Variants in LZTR1 observed in about 807,000 individuals in gnomAD.
LZTR1 encodes leucine zipper like post translational regulator 1.
LZTR1 carries 260 observed loss-of-function variants against 105.7 expected under a neutral mutation model. The ratio of observed to expected loss-of-function variants is 2.46; its 90% confidence interval spans 2.22 to 2.72. LZTR1 has a LOEUF of 2.72. Ranked by LOEUF, LZTR1 falls within the 30% of genes most tolerant of loss-of-function variation. The pLI is 0.00. For missense variants in LZTR1, 1,214 were observed against 1,166.9 expected, an observed-to-expected ratio of 1.04 and a Z score of -0.59; for synonymous variants, 490 against 476.4, an observed-to-expected ratio of 1.03 and a Z score of -0.37.
intron 16 of LZTR1, 100 bp downstream of exon 16, chr22:20,995,126 G>A (rs777307233): frequency 2.3e-4 from 308 of 1,354,484 alleles, no homozygotes; most frequent in Non-Finnish European, 3.0e-4. Flanking sequence ...GGCCCTCGGG[G>A]TGGGGGTGGG....
At chr22:20,993,363 G>A (rs1463328844) in intron 11 of LZTR1, 3 of 529,258 alleles carry the variant, frequency 5.7e-6, no homozygotes, top group Non-Finnish European at 1.0e-5. Context: ...CGCAGGTCCA[G>A]GCAGAGTGGA....
At chr22:20,984,611 G>GC (rs1298796265) in intron 2 of LZTR1, among the ~76,000 whole-genome samples, 3 of 86,276 alleles carry the variant, frequency 3.5e-5, no homozygotes, top group South Asian at 4.3e-4. Context: ...GGGCAAGTAA[G>GC]GAGGGGGGGG....
In LZTR1 at chr22:20,998,607, A is replaced by G. The variant is rs1050095807; in HGVS notation, c.*1259A>G. The G allele has an allele frequency of 1.3e-5, 2 of 152,610 alleles. No individual in the cohort carries two copies. The highest frequency in any genetic ancestry group is 4.8e-5 in the African/African-American group (2 of 41,476). The allele number at this position is 152,610 out of a possible 1,614,324, so 9.5% of individuals were successfully genotyped here. A position where few individuals can be genotyped will look rare whatever the true frequency, so the allele number is the denominator to read the frequency against. On this transcript the variant is annotated 3_prime_UTR_variant, in exon 21 of 21. Transcript: ENST00000646124. Reference sequence around the variant, plus strand: ...AAGTTGCTTAGCTAACAGGAGATCCATAGGCAGCCTGCAGGCTAGGAAGTG... The same window carrying G: ...AAGTTGCTTAGCTAACAGGAGATCCGTAGGCAGCCTGCAGGCTAGGAAGTG...
intron 6 of LZTR1, among the ~76,000 whole-genome samples, 192 bp downstream of exon 6, chr22:20,989,064 T>G (rs1441534166): frequency 6.6e-6 from 1 of 151,834 alleles, no homozygotes; most frequent in East Asian, 1.9e-4. Context: ...TGAGGGCCAC[T>G]GGGTGGAGCC....
intron 6 of LZTR1, 143 bp downstream of exon 6, chr22:20,989,015 G>GGAGGGGGATGGGGAAA: frequency 1.4e-6 from 1 of 711,308 alleles, no homozygotes; most frequent in East Asian, 2.7e-5. Context: ...GGGTTTCTTG[G>GGAGGGGGATGGGGAAA]GAGGGGGATG....
At chr22:20,994,063 G>C (rs1284636941) in intron 13 of LZTR1, 41 bp from the exon 14 acceptor site, 2 of 1,585,538 alleles carry the variant, frequency 1.3e-6, no homozygotes, top group African/African-American at 1.3e-5. Context: ...AGCCATGCCT[G>C]GTGTCCACTG....
chr22:20,987,357 C>G (rs1924424804), intron 3 of LZTR1, 147 bp from the exon 4 acceptor site: 2 of 593,898 alleles, frequency 3.4e-6, no homozygotes, highest in Non-Finnish European at 6.1e-6. Context: ...CCACTGCACT[C>G]CAGCCGGGAC....
intron 3 of LZTR1, chr22:20,986,221 T>C (rs191794063): frequency 4.3e-5 from 11 of 258,640 alleles, no homozygotes; most frequent in Non-Finnish European, 7.3e-5. Context: ...TTTTGTAAGA[T>C]GGCTAGTAGT....
At chr22:20,987,400 A>G (rs1924428600) in intron 3 of LZTR1, 104 bp from the exon 4 acceptor site, 4 of 668,166 alleles carry the variant, frequency 6.0e-6, no homozygotes, top group Non-Finnish European at 1.1e-5. Context: ...AAAAAAAAAA[A>G]AAAGAAAAAA....
In LZTR1 at chr22:20,993,908, A is replaced by T. The variant is rs1292771896; in HGVS notation, c.1354-16A>T. 1 of 1,609,314 alleles carries T rather than the reference A, an allele frequency of 6.2e-7. No individual in the cohort carries two copies. The highest frequency in any genetic ancestry group is 8.5e-7 in the Non-Finnish European group (1 of 1,178,728). ...AGGGTCCTGTGCCCTCTGCCAGTGC[A>T]TCATTCTTTGTGCAGAAGGAGGAGT... is the stretch of plus-strand genomic sequence containing the variant. On this transcript the variant is annotated splice_polypyrimidine_tract_variant and intron_variant, in intron 12 of 20. Coordinates refer to ENST00000646124, the MANE Select transcript of LZTR1 (RefSeq NM_006767.4).
At position 20,996,721 on chromosome 22, in the gene LZTR1, T is replaced by G; in HGVS notation, c.2245T>G (p.Tyr749Asp). ...SLYLFAAPYY[Y>D]GFYNNRLQAY... Reference sequence around the variant, plus strand: ...CTACTTGTTTGCGGCCCCCTACTACTACGGCTTCTACAACAACCGGCTGCA... The same window carrying G: ...CTACTTGTTTGCGGCCCCCTACTACGACGGCTTCTACAACAACCGGCTGCA... Residue 749 changes from tyrosine to aspartate, a missense_variant, in exon 19 of 21, where the codon TAC becomes GAC. Physicochemically the swap from Tyr to Asp is radical, Grantham distance 160. Transcript: ENST00000646124. 6.2e-7 allele frequency: 1 copy of G among 1,613,528 alleles called. No individual in the cohort carries two copies. Among genetic ancestry groups the G allele is most frequent in the Non-Finnish European group, 8.5e-7 (1 of 1,179,992 alleles).
At chr22:20,990,223 TG>T (rs1174687460) in intron 7 of LZTR1, among the ~76,000 whole-genome samples, 162 bp from the exon 8 acceptor site, 1 of 152,160 alleles carries the variant, frequency 6.6e-6, no homozygotes, top group African/African-American at 2.4e-5. Flanking sequence ...CCCCGTGAAG[TG>T]GATGAGACAG....
At chr22:20,989,832 G>A in intron 7 of LZTR1, 150 bp downstream of exon 7, 1 of 837,748 alleles carries the variant, frequency 1.2e-6, no homozygotes, top group Non-Finnish European at 1.9e-6. Context: ...GGTCGAGGCT[G>A]CTTTCTTCCC....
rs1924689522 is a variant in LZTR1 at position 20,993,748 on chromosome 22, G to A, written c.1347G>A (p.Leu449=). 1.2e-6 allele frequency: 2 copies of A among 1,612,436 alleles called. No homozygotes were observed. The highest frequency in any genetic ancestry group is 2.2e-5 in the South Asian group (2 of 91,014). Residue 449 remains leucine, a synonymous_variant, in exon 12 of 21, where the codon CTG becomes CTA. Transcript: ENST00000646124. The part of the protein sequence containing the change: ...SRQFCDVEFV[L]GEKEECVQGH... ...AGTTCTGCGACGTGGAGTTCGTGCT[G>A]GGTGAGGTGGGTGCCTGTCCTCGCA...
chr22:20,991,610 A>T lies in LZTR1; in HGVS notation c.792-18A>T. ...GGAGCCCCTGTCCCAGCATTGATTCACTGTTGTGTACCCCCAGGTGGACAC... is the reference window on the plus strand; with the variant it reads ...GGAGCCCCTGTCCCAGCATTGATTCTCTGTTGTGTACCCCCAGGTGGACAC... On this transcript the variant is annotated intron_variant, in intron 8 of 20. Coordinates refer to ENST00000646124, the MANE Select transcript of LZTR1 (RefSeq NM_006767.4). 1 of 1,547,022 alleles carries T rather than the reference A, an allele frequency of 6.5e-7. No individual in the cohort carries two copies. The highest frequency in any genetic ancestry group is 8.7e-7 in the Non-Finnish European group (1 of 1,148,326).
At position 20,982,576 on chromosome 22, in the gene LZTR1, G is replaced by C; in HGVS notation, c.200+5G>C. Reference sequence around the variant, plus strand: ...CGACGAGTTCGTGGGTGCCCGGTACGGTGGGCTTCATGGGGTCCTGAGGAC... The same window carrying C: ...CGACGAGTTCGTGGGTGCCCGGTACCGTGGGCTTCATGGGGTCCTGAGGAC... On this transcript the variant is annotated splice_donor_5th_base_variant and intron_variant, in intron 1 of 20. Transcript: ENST00000646124. 6.2e-7 allele frequency: 1 copy of C among 1,610,750 alleles called. No homozygotes were observed. Among genetic ancestry groups the C allele is most frequent in the Non-Finnish European group, 8.5e-7 (1 of 1,178,826 alleles).
In LZTR1 at chr22:20,988,840, G is replaced by A. The variant is rs1331986463; in HGVS notation, c.561G>A (p.Leu187=). The A allele has an allele frequency of 1.9e-6, 3 of 1,614,048 alleles. No individual in the cohort carries two copies. Among genetic ancestry groups the A allele is most frequent in the African/African-American group, 1.3e-5 (1 of 74,944 alleles). ...AHGATVYSDK[L]WIFAGYDGNA... The stretch of plus-strand genomic sequence containing the variant: ...GGGCCACGGTGTACAGTGACAAGCT[G>A]TGGATCTTTGCTGGCTATGACGGCA... Residue 187 remains leucine, a synonymous_variant, in exon 6 of 21, where the codon CTG becomes CTA. Coordinates refer to ENST00000646124, the MANE Select transcript of LZTR1 (RefSeq NM_006767.4).
Position 20,995,814 on chromosome 22 carries a change from CTGT to C in LZTR1, c.2014_2016del (p.Leu673del). On this transcript the variant is annotated inframe_deletion, in exon 17 of 21. Coordinates refer to ENST00000646124, the MANE Select transcript of LZTR1 (RefSeq NM_006767.4). ...GGGCGCGGAATTCTGTGACATCACTCTGTTGCTTGACGGGCACCCACGGCCAGC... is the reference window on the plus strand; with the variant it reads ...GGGCGCGGAATTCTGTGACATCACTCTGCTTGACGGGCACCCACGGCCAGC... 1 of 1,613,512 alleles carries C rather than the reference CTGT, an allele frequency of 6.2e-7. No homozygotes were observed. The highest frequency in any genetic ancestry group is 8.5e-7 in the Non-Finnish European group (1 of 1,179,994).
rs1327974340 is a variant in LZTR1 at position 20,985,867 on chromosome 22, G to A, written c.290G>A (p.Arg97Gln). The A allele has an allele frequency of 3.1e-6, 5 of 1,614,110 alleles. No individual in the cohort carries two copies. The highest frequency in any genetic ancestry group is 1.1e-5 in the South Asian group (1 of 91,074). The change falls in exon 3 of 21, where the codon CGG becomes CAG. Residue 97 changes from arginine to glutamine, a missense_variant. Coordinates refer to ENST00000646124, the MANE Select transcript of LZTR1 (RefSeq NM_006767.4). ...NGKTMLNDLLRFDVKDCSWCR... is the reference protein window; with the variant it reads ...NGKTMLNDLLQFDVKDCSWCR... ...AAGACCATGCTCAATGACCTCCTGC[G>A]GTTCGATGTGAAAGACTGCTCCTGG...
Sources: allele counts gnomAD v4.1 joint callset (sites outside exome capture counted in the v4.1 genomes callset), GRCh38; gene constraint gnomAD v4.1.1; transcripts MANE v1.5; gene names NCBI Gene and HGNC (gene_info 2026-07-23, HGNC 2026-07-21).